Variants in NCAM2 observed in about 807,000 individuals in gnomAD.
NCAM2 encodes neural cell adhesion molecule 2, also known as N-CAM-2.
Under a neutral mutation model 98.1 loss-of-function variants are expected in NCAM2, and 30 were observed. The ratio of observed to expected loss-of-function variants is 0.31; its 90% CI spans 0.23 to 0.41. The LOEUF (loss-of-function observed/expected upper bound fraction) is 0.41, where lower values mean the gene tolerates loss of function less well. Ranked by LOEUF, NCAM2 falls within the 10% of genes least tolerant of loss-of-function variation. The pLI, the probability that NCAM2 is intolerant of heterozygous loss-of-function variation, is 1.00. For synonymous variants in NCAM2, 368 were observed against 342.4 expected (o/e 1.07, Z -0.83); for missense variants, 867 against 1,005.8 (o/e 0.86, Z 1.87).
intron 1 of NCAM2, among the ~76,000 whole-genome samples, chr21:21,248,460 A>G (rs1361750386): frequency 6.6e-6 from 1 of 152,108 alleles, no homozygotes; most frequent in Non-Finnish European, 1.5e-5. Flanking sequence ...AAAAATTGTC[A>G]CATCTTAGTC....
intron 5 of NCAM2, among the ~76,000 whole-genome samples, chr21:21,303,479 A>T (rs1275947617): frequency 6.6e-6 from 1 of 152,014 alleles, no homozygotes; most frequent in African/African-American, 2.4e-5. Flanking sequence ...TGCTATTAGT[A>T]TTCAATTTTA....
intron 1 of NCAM2, among the ~76,000 whole-genome samples, chr21:21,133,148 C>A (rs768820893): frequency 1.3e-5 from 2 of 152,106 alleles, no homozygotes; most frequent in Non-Finnish European, 2.9e-5. Flanking sequence ...ATTATGCAAT[C>A]ATTTTAGTAA....
At chr21:21,279,284 C>T (rs1222093564) in intron 1 of NCAM2, among the ~76,000 whole-genome samples, 1 of 152,194 alleles carries the variant, frequency 6.6e-6, no homozygotes, top group East Asian at 1.9e-4. Flanking sequence ...AATCTCCCTT[C>T]ACCATTGGGT....
chr21:21,510,816 C>T (rs1227640272), intron 16 of NCAM2, among the ~76,000 whole-genome samples: 1 of 151,970 alleles, frequency 6.6e-6, no homozygotes, highest in Non-Finnish European at 1.5e-5. Context: ...AAAGGCTTAG[C>T]TATTATCAGT....
chr21:21,485,347 T>C (rs564325921), intron 15 of NCAM2, among the ~76,000 whole-genome samples: 11 of 152,302 alleles, frequency 7.2e-5, no homozygotes, highest in South Asian at 2.1e-4. Flanking sequence ...TCAAGTCCTA[T>C]TGTTCTAACA....
chr21:21,324,067 A>G (rs2074445753), intron 5 of NCAM2, among the ~76,000 whole-genome samples: 1 of 152,198 alleles, frequency 6.6e-6, no homozygotes, highest in Non-Finnish European at 1.5e-5. Context: ...CAGATTTAGT[A>G]GTGAAATAGC....
At chr21:21,239,703 T>C (rs1811470919) in intron 1 of NCAM2, among the ~76,000 whole-genome samples, 1 of 152,130 alleles carries the variant, frequency 6.6e-6, no homozygotes, top group Non-Finnish European at 1.5e-5. Flanking sequence ...AAGCACATTT[T>C]ATCATAGTCA....
Position 21,450,793 on chromosome 21 carries a change from T to TGTATGTATAC in NCAM2, c.1655-15813_1655-15812insGTATGTATAC, listed in dbSNP as rs751489970. Among the ~76,000 whole-genome samples, 565 of 143,484 alleles carry TGTATGTATAC rather than the reference T, an allele frequency of 3.9e-3. 4 individuals are homozygous for TGTATGTATAC. The highest frequency in any genetic ancestry group is 0.01 in the African/African-American group (395 of 37,890). 94.1% of individuals were successfully genotyped at this position (143,484 alleles called of 152,430 possible). A position where few individuals can be genotyped will look rare whatever the true frequency, so the allele number is the denominator to read the frequency against. ...CATCATGTATGTATGTATGTATGTATACACACACACACACACACACACACA... is the reference window on the plus strand; with the variant it reads ...CATCATGTATGTATGTATGTATGTATGTATGTATACACACACACACACACACACACACACA... On this transcript the variant is annotated intron_variant, in intron 12 of 17. Transcript: ENST00000400546.
intron 11 of NCAM2, among the ~76,000 whole-genome samples, chr21:21,429,314 C>A (rs1450967188): frequency 1.3e-5 from 2 of 152,170 alleles, no homozygotes; most frequent in Non-Finnish European, 2.9e-5. Flanking sequence ...AATGGTGCAA[C>A]CTCTGCAGTC....
At chr21:21,163,699 G>A (rs776079359) in intron 1 of NCAM2, among the ~76,000 whole-genome samples, 6 of 152,056 alleles carry the variant, frequency 3.9e-5, no homozygotes, top group Non-Finnish European at 5.9e-5. Flanking sequence ...GTCAGGAACC[G>A]TTCTCAGAAT....
At chr21:21,534,194 C>T (rs1189853259) in intron 16 of NCAM2, among the ~76,000 whole-genome samples, 1 of 151,660 alleles carries the variant, frequency 6.6e-6, no homozygotes, top group Non-Finnish European at 1.5e-5. Flanking sequence ...AGGAAAGAAA[C>T]CTACTTGATG....
chr21:21,026,716 G>A (rs544938281), intron 1 of NCAM2, among the ~76,000 whole-genome samples: 7 of 151,950 alleles, frequency 4.6e-5, no homozygotes, highest in Admixed American at 6.6e-5. Flanking sequence ...AACATAACCT[G>A]TAGTGATGTA....
chr21:21,144,220 A>C (rs1446836701), intron 1 of NCAM2, among the ~76,000 whole-genome samples: 3 of 151,862 alleles, frequency 2.0e-5, no homozygotes, highest in African/African-American at 7.3e-5. Context: ...GTGGTGGTGC[A>C]TGCCTGTAAT....
intron 1 of NCAM2, among the ~76,000 whole-genome samples, chr21:21,002,282 T>G (rs1183291211): frequency 6.6e-6 from 1 of 152,050 alleles, no homozygotes; most frequent in African/African-American, 2.4e-5. Context: ...CCCGAGAGTG[T>G]CAGATGAGTC....
chr21:21,256,685 T>TA (rs1445238098), intron 1 of NCAM2, among the ~76,000 whole-genome samples: 3 of 152,062 alleles, frequency 2.0e-5, no homozygotes, highest in Admixed American at 1.3e-4. Context: ...TAAGGCCAAC[T>TA]AAAAAAACCC....
chr21:21,211,240 T>G (rs1386608304), intron 1 of NCAM2, among the ~76,000 whole-genome samples: 1 of 152,190 alleles, frequency 6.6e-6, no homozygotes, highest in East Asian at 1.9e-4. Context: ...GCACAGAAAC[T>G]TCTTGCTTAT....
At chr21:21,332,061 C>G (rs953449327) in intron 6 of NCAM2, among the ~76,000 whole-genome samples, 2 of 151,912 alleles carry the variant, frequency 1.3e-5, no homozygotes, top group East Asian at 3.9e-4. Flanking sequence ...CACCACCACG[C>G]CCAGCTAATT....
At chr21:21,365,483 T>C (rs998793663) in intron 8 of NCAM2, among the ~76,000 whole-genome samples, 1 of 151,580 alleles carries the variant, frequency 6.6e-6, no homozygotes, top group Non-Finnish European at 1.5e-5. Flanking sequence ...CATATAGCAC[T>C]CAAAATATAT....
At chr21:21,485,518 T>C (rs1016565387) in intron 15 of NCAM2, among the ~76,000 whole-genome samples, 2 of 152,290 alleles carry the variant, frequency 1.3e-5, no homozygotes, top group East Asian at 3.9e-4. Flanking sequence ...CAAAGGAATT[T>C]CGATTTGAGG....
Sources: gnomAD v4.1 joint callset for allele counts (sites outside exome capture counted in the v4.1 genomes callset) on GRCh38, gnomAD v4.1.1 for gene constraint, MANE v1.5 for transcripts, NCBI Gene and HGNC (gene_info 2026-07-23, HGNC 2026-07-21) for gene names.